Variants in TMEM144 observed in about 807,000 individuals in gnomAD.
TMEM144 encodes the protein transmembrane protein 144.
In TMEM144, 39 loss-of-function variants were observed where a neutral mutation model predicts 43.6. The observed-to-expected ratio is 0.90, with a 90% CI of 0.69 to 1.17. The LOEUF (loss-of-function observed/expected upper bound fraction) is 1.17, where lower values mean the gene tolerates loss of function less well. Ranked by LOEUF, TMEM144 falls within the 50% of genes most tolerant of loss-of-function variation. TMEM144 has a pLI of 0.00. For synonymous variants in TMEM144, 154 were observed against 133.6 expected (o/e 1.15, Z -1.06); for missense variants, 417 against 411.9 (o/e 1.01, Z -0.11).
intron 6 of TMEM144, among the ~76,000 whole-genome samples, chr4:158,229,904 C>A (rs535412252): frequency 6.6e-6 from 1 of 152,166 alleles, no homozygotes; most frequent in Admixed American, 6.5e-5. Context: ...CCTTCCCTCA[C>A]CCAGGGAGCT....
Position 158,237,491 on chromosome 4 carries a change from G to A in TMEM144, c.564-34G>A, listed in dbSNP as rs558342587. The A allele has an allele frequency of 3.3e-6, 5 of 1,528,912 alleles. No homozygotes were observed. The South Asian group carries it at 3.5e-5, about 11-fold the overall frequency. 94.7% of individuals were successfully genotyped at this position (1,528,912 alleles called of 1,614,324 possible). A position where few individuals can be genotyped will look rare whatever the true frequency, so the allele number is the denominator to read the frequency against. On this transcript the variant is annotated intron_variant, in intron 8 of 12. Coordinates refer to ENST00000296529, the MANE Select transcript of TMEM144 (RefSeq NM_018342.5). ...GCGTTTGTCAGAAATACTGCTTTGA[G>A]CCAAGATTAATAGTGATTTATTTGT...
chr4:158,231,402 A>C (rs1281164373), intron 6 of TMEM144, among the ~76,000 whole-genome samples: 1 of 152,204 alleles, frequency 6.6e-6, no homozygotes, highest in East Asian at 1.9e-4. Context: ...TATAGTTCAA[A>C]GTACTCAGCA....
At chr4:158,212,801 A>G in intron 3 of TMEM144, 25 bp downstream of exon 3, 1 of 1,534,996 alleles carries the variant, frequency 6.5e-7, no homozygotes, top group Non-Finnish European at 9.0e-7. Flanking sequence ...TTGATTGTTA[A>G]CGTTATATTA....
intron 4 of TMEM144, among the ~76,000 whole-genome samples, chr4:158,216,902 A>G (rs1417394316): frequency 6.6e-6 from 1 of 152,148 alleles, no homozygotes; most frequent in Non-Finnish European, 1.5e-5. Flanking sequence ...GAAATCCAGA[A>G]GACAAATCAG....
chr4:158,240,393 A>G lies in TMEM144; in HGVS notation c.777A>G (p.Lys259=), dbSNP rs1735572999. The G allele has an allele frequency of 5.0e-6, 8 of 1,613,136 alleles. No homozygotes were observed. In the African/African-American group the frequency reaches 9.3e-5, roughly 19 times the overall value. Residue 259 remains lysine, a synonymous_variant, in exon 10 of 13, where the codon AAA becomes AAG. Transcript: ENST00000296529. ...AYCIAMKNSP[K]LYPEAVLPGF... ...GCATAGCCATGAAAAATAGTCCTAAACTATATCCTGAAGCAGTCCTACCAG... is the reference window on the plus strand; with the variant it reads ...GCATAGCCATGAAAAATAGTCCTAAGCTATATCCTGAAGCAGTCCTACCAG...
At chr4:158,216,756 G>A (rs1332283373) in intron 4 of TMEM144, among the ~76,000 whole-genome samples, 5 of 151,928 alleles carry the variant, frequency 3.3e-5, no homozygotes. Flanking sequence ...AAAACAGGAG[G>A]AGACTCAAGA....
intron 9 of TMEM144, 101 bp from the exon 10 acceptor site, chr4:158,240,198 A>G: frequency 7.2e-7 from 1 of 1,395,866 alleles, no homozygotes; most frequent in South Asian, 1.4e-5. Context: ...TTAATGGTTT[A>G]TTTGCCTTTA....
intron 6 of TMEM144, among the ~76,000 whole-genome samples, chr4:158,224,483 T>G (rs1734655877): frequency 6.6e-6 from 1 of 152,218 alleles, no homozygotes; most frequent in Non-Finnish European, 1.5e-5. Context: ...AGATGAGTCA[T>G]AAAACACATC....
At chr4:158,237,361 G>T (rs1032490558) in intron 8 of TMEM144, 164 bp from the exon 9 acceptor site, 23 of 593,392 alleles carry the variant, frequency 3.9e-5, no homozygotes, top group African/African-American at 9.3e-5. Flanking sequence ...CTTTAATACT[G>T]CAGGGTATTT....
intron 5 of TMEM144, among the ~76,000 whole-genome samples, chr4:158,218,987 C>T (rs1056025934): frequency 2.6e-5 from 4 of 151,984 alleles, no homozygotes; most frequent in African/African-American, 9.7e-5. Context: ...GTAACAGGCA[C>T]CTGTAGTCCC....
At chr4:158,222,664 C>A (rs982703654) in intron 6 of TMEM144, among the ~76,000 whole-genome samples, 19 of 152,156 alleles carry the variant, frequency 1.2e-4, no homozygotes, top group African/African-American at 4.6e-4. Context: ...CCATTATTTT[C>A]TATATACACC....
intron 5 of TMEM144, 94 bp downstream of exon 5, chr4:158,217,514 T>C: frequency 2.2e-6 from 2 of 900,878 alleles, no homozygotes; most frequent in Non-Finnish European, 3.6e-6. Context: ...ATGATTCTTA[T>C]TCTCACAGAG....
Position 158,233,002 on chromosome 4 carries a change from C to CA in TMEM144, c.495+22dup. On this transcript the variant is annotated intron_variant, in intron 7 of 12. Coordinates refer to ENST00000296529, the MANE Select transcript of TMEM144 (RefSeq NM_018342.5). Reference sequence around the variant, plus strand: ...GAGCATGTGAGTATAGTATGAGAGACAACTTGATTTGAAACATAAAATTAA... The same window carrying CA: ...GAGCATGTGAGTATAGTATGAGAGACAAACTTGATTTGAAACATAAAATTAA... 2 of 1,517,814 alleles carry CA rather than the reference C, an allele frequency of 1.3e-6. No individual in the cohort carries two copies. The highest frequency in any genetic ancestry group is 1.8e-6 in the Non-Finnish European group (2 of 1,115,226). The allele number at this position is 1,517,814 out of a possible 1,614,324, so 94.0% of individuals were successfully genotyped here. A position where few individuals can be genotyped will look rare whatever the true frequency, so the allele number is the denominator to read the frequency against.
intron 6 of TMEM144, among the ~76,000 whole-genome samples, chr4:158,232,620 G>A (rs937846414): frequency 3.3e-5 from 5 of 152,170 alleles, no homozygotes; most frequent in South Asian, 2.1e-4. Context: ...TTTCATTTGT[G>A]TTTCTTTTAC....
chr4:158,214,484 C>G (rs1233912986), intron 3 of TMEM144, among the ~76,000 whole-genome samples: 1 of 152,148 alleles, frequency 6.6e-6, no homozygotes, highest in Non-Finnish European at 1.5e-5. Flanking sequence ...TCAACTATTT[C>G]CTCATCCTTT....
chr4:158,218,247 T>C (rs1454855741), intron 5 of TMEM144, among the ~76,000 whole-genome samples: 8 of 152,198 alleles, frequency 5.3e-5, no homozygotes, highest in Non-Finnish European at 1.2e-4. Flanking sequence ...GGCTACTCTT[T>C]TGTGCAGTGA....
intron 7 of TMEM144, chr4:158,234,376 CA>C (rs5863312): frequency 0.79 from 112,977 of 143,472 alleles, 44,216 homozygotes; most frequent in South Asian, 0.87. Flanking sequence ...ACTAAGAATA[CA>C]AAAAAAAAAA....
chr4:158,218,950 T>C (rs1164839683), intron 5 of TMEM144, among the ~76,000 whole-genome samples: 1 of 151,926 alleles, frequency 6.6e-6, no homozygotes, highest in African/African-American at 2.4e-5. Flanking sequence ...CTGTCTCTAC[T>C]AAAAATACAA....
In TMEM144 at chr4:158,244,357, C is replaced by T. The variant is rs762297579; in HGVS notation, c.954+8C>T. On this transcript the variant is annotated splice_region_variant and intron_variant, in intron 12 of 12. Coordinates refer to ENST00000296529, the MANE Select transcript of TMEM144 (RefSeq NM_018342.5). ...ATGTTTAAGGAAATAAAGGTATGTA[C>T]AAGAAAGGGCAGACTTAGAAAATGG... 9 of 1,606,742 alleles carry T rather than the reference C, an allele frequency of 5.6e-6. No homozygotes were observed. The Admixed American group carries it at 8.4e-5, about 15-fold the overall frequency.
Sources: gnomAD v4.1 joint callset for allele counts (sites outside exome capture counted in the v4.1 genomes callset) on GRCh38, gnomAD v4.1.1 for gene constraint, MANE v1.5 for transcripts, NCBI Gene and HGNC (gene_info 2026-07-23, HGNC 2026-07-21) for gene names.